The following COG5 variants were observed in gnomAD, a reference collection of about 807,000 sequenced individuals.
COG5 encodes the protein component of oligomeric golgi complex 5, also known as conserved oligomeric Golgi complex subunit 5.
COG5 carries 86 observed loss-of-function variants against 110.4 expected under a neutral mutation model. That is an observed-to-expected ratio of 0.78 (90% CI 0.65 to 0.93). COG5 has a LOEUF of 0.93. Among genes scored for constraint, COG5 ranks in the 40% least tolerant of loss-of-function variants. The pLI is 0.00. For synonymous variants in COG5, 360 were observed against 334.6 expected (o/e 1.08, Z -0.83); for missense variants, 1,077 against 987.0 (o/e 1.09, Z -1.22).
chr7:107,504,329 T>C (rs1283172480), intron 6 of COG5, among the ~76,000 whole-genome samples: 2 of 152,228 alleles, frequency 1.3e-5, no homozygotes, highest in African/African-American at 2.4e-5. Context: ...AAATCATCCC[T>C]GCATCCCTGA....
chr7:107,275,554 T>C (rs1052259672), intron 14 of COG5, among the ~76,000 whole-genome samples: 1 of 152,074 alleles, frequency 6.6e-6, no homozygotes, highest in African/African-American at 2.4e-5. Context: ...AAATAATACT[T>C]TTATTTATTT....
In COG5 at chr7:107,372,634, T is replaced by C. The variant is rs768338390; in HGVS notation, c.796A>G (p.Ile266Val). ...LEENINSALD[I>V]KVLTQPSQSA... is the part of the protein sequence containing the mutation. ...TGGGAAGGCTGAGTCAAAACTTTTA[T>C]GTCTAATGCACTGTTGATATTTTCT... is the stretch of plus-strand genomic sequence containing the variant. The change falls in exon 8 of 22, where the codon ATA (isoleucine) becomes GTA (valine). Residue 266 changes from isoleucine to valine, a missense_variant. Transcript: ENST00000297135. 2.5e-6 allele frequency: 4 copies of C among 1,613,736 alleles called. No homozygotes were observed. Among genetic ancestry groups the C allele is most frequent in the African/African-American group, 2.7e-5 (2 of 75,044 alleles).
At chr7:107,321,188 A>C (rs1000908474) in intron 11 of COG5, among the ~76,000 whole-genome samples, 4 of 152,210 alleles carry the variant, frequency 2.6e-5, no homozygotes, top group African/African-American at 4.8e-5. Context: ...ATCAACAATT[A>C]TAAAGTAAAA....
chr7:107,536,060 T>G (rs954892417), intron 5 of COG5, among the ~76,000 whole-genome samples: 2 of 152,084 alleles, frequency 1.3e-5, no homozygotes. Flanking sequence ...AAAAACCACA[T>G]GATTATCTCA....
At chr7:107,249,708 G>C (rs917458853) in intron 16 of COG5, among the ~76,000 whole-genome samples, 86 of 142,212 alleles carry the variant, frequency 6.0e-4, no homozygotes, top group Admixed American at 1.8e-3. Context: ...GTGTGTGTGT[G>C]TGTGTGTGTG....
intron 17 of COG5, among the ~76,000 whole-genome samples, chr7:107,239,258 G>A (rs1348639573): frequency 6.6e-6 from 1 of 152,084 alleles, no homozygotes; most frequent in African/African-American, 2.4e-5. Flanking sequence ...CACCTCTGTC[G>A]AAAATCAATT....
chr7:107,284,418 G>A (rs1007083865), intron 12 of COG5, among the ~76,000 whole-genome samples: 3 of 152,204 alleles, frequency 2.0e-5, no homozygotes, highest in African/African-American at 7.2e-5. Flanking sequence ...AGACCAGCCT[G>A]CAGAGACCTG....
At chr7:107,406,719 G>A (rs1791868800) in intron 7 of COG5, among the ~76,000 whole-genome samples, 1 of 152,012 alleles carries the variant, frequency 6.6e-6, no homozygotes, top group Admixed American at 6.6e-5. Context: ...TAATATTTTG[G>A]TTTCAAAAAC....
chr7:107,447,147 C>T (rs1016053737), intron 6 of COG5, among the ~76,000 whole-genome samples: 3 of 152,256 alleles, frequency 2.0e-5, no homozygotes, highest in Admixed American at 6.5e-5. Context: ...GGGATATTCT[C>T]AGCTTCTAGA....
intron 12 of COG5, among the ~76,000 whole-genome samples, chr7:107,288,024 T>A (rs116496722): frequency 0.019 from 2,843 of 152,206 alleles, 89 homozygotes; most frequent in African/African-American, 0.063. Flanking sequence ...TTCCCTTGGG[T>A]ATACATCTGG....
In COG5 at chr7:107,292,225, C is replaced by T. The variant is rs556381518; in HGVS notation, c.1313+5917G>A. Among the ~76,000 whole-genome samples the T allele has an allele frequency of 4.6e-5, 7 of 152,158 alleles. No homozygotes were observed. In the South Asian group the frequency reaches 6.2e-4, roughly 14 times the overall value. Reference sequence around the variant, plus strand: ...TTAACTTTTTTATTTTTTGTAGAGACGGGGTCTGTTTTGCTCAGGCTGGTC... The same window carrying T: ...TTAACTTTTTTATTTTTTGTAGAGATGGGGTCTGTTTTGCTCAGGCTGGTC... On this transcript the variant is annotated intron_variant, in intron 12 of 21. Coordinates refer to ENST00000297135, the MANE Select transcript of COG5 (RefSeq NM_006348.5).
intron 3 of COG5, among the ~76,000 whole-genome samples, chr7:107,549,576 G>C: frequency 9.4e-6 from 1 of 106,110 alleles, no homozygotes; most frequent in East Asian, 2.7e-4. Context: ...TTTTTTTTTT[G>C]TATTTTTAGT....
intron 5 of COG5, among the ~76,000 whole-genome samples, chr7:107,539,262 C>G (rs1801809686): frequency 6.6e-6 from 1 of 152,036 alleles, no homozygotes; most frequent in Non-Finnish European, 1.5e-5. Flanking sequence ...ATAATGAAAC[C>G]CAGTTTTTTC....
rs77673131 is a variant in COG5, at chr7:107,440,138, A to T, written c.539-27506T>A. Among the ~76,000 whole-genome samples, 1,120 of 152,340 alleles carry T rather than the reference A, an allele frequency of 7.4e-3. 18 individuals are homozygous for T. The highest frequency in any genetic ancestry group is 0.026 in the African/African-American group (1,076 of 41,580). On this transcript the variant is annotated intron_variant, in intron 6 of 21. Coordinates refer to ENST00000297135, the MANE Select transcript of COG5 (RefSeq NM_006348.5). ...CCACATCAGTAAAGGGTACTGTGTA[A>T]GAATCTACTTGTCTAACTGTCCCTA... is the stretch of plus-strand genomic sequence containing the variant.
At chr7:107,250,854 C>G (rs771996530) in intron 16 of COG5, among the ~76,000 whole-genome samples, 2 of 151,710 alleles carry the variant, frequency 1.3e-5, no homozygotes, top group Non-Finnish European at 2.9e-5. Context: ...AGAAAAAATA[C>G]TAAAAAATAA....
At chr7:107,494,542 A>G (rs75659533) in intron 6 of COG5, among the ~76,000 whole-genome samples, 22,574 of 152,188 alleles carry the variant, frequency 0.15, 2,099 homozygotes, top group Non-Finnish European at 0.2. Context: ...ACTGCCTACA[A>G]TATTCAATAC....
At chr7:107,455,940 C>T (rs768715313) in intron 6 of COG5, among the ~76,000 whole-genome samples, 2 of 151,942 alleles carry the variant, frequency 1.3e-5, no homozygotes, top group Non-Finnish European at 1.5e-5. Context: ...ACTACAGACA[C>T]GCACCACCAC....
At chr7:107,209,609 G>C (rs993126290) in intron 21 of COG5, 2 of 162,088 alleles carry the variant, frequency 1.2e-5, no homozygotes, top group African/African-American at 4.8e-5. Flanking sequence ...GGAATGGCTA[G>C]AAGAAGATAA....
intron 17 of COG5, among the ~76,000 whole-genome samples, chr7:107,239,628 T>A (rs141759001): frequency 1.1e-4 from 16 of 152,176 alleles, no homozygotes; most frequent in Non-Finnish European, 2.1e-4. Flanking sequence ...ATTTCTTTCA[T>A]TGATGTTTTA....
Sources: gnomAD v4.1 joint callset for allele counts (sites outside exome capture counted in the v4.1 genomes callset) on GRCh38, gnomAD v4.1.1 for gene constraint, MANE v1.5 for transcripts, NCBI Gene and HGNC (gene_info 2026-07-23, HGNC 2026-07-21) for gene names.